Variants in DLG2 observed in about 807,000 individuals in gnomAD.
DLG2 encodes the protein disks large homolog 2.
Under a neutral mutation model 132.5 loss-of-function variants are expected in DLG2, and 45 were observed. That is an observed-to-expected ratio of 0.34 (90% CI 0.27 to 0.44). The LOEUF (loss-of-function observed/expected upper bound fraction) is 0.44. Ranked by LOEUF, DLG2 falls within the 20% of genes least tolerant of loss-of-function variation. The pLI is 1.00. For synonymous variants in DLG2, 424 were observed against 419.6 expected, an observed-to-expected ratio of 1.01 and a Z score of -0.13; for missense variants, 1,045 against 1,196.9, an observed-to-expected ratio of 0.87 and a Z score of 1.87.
intron 3 of DLG2, among the ~76,000 whole-genome samples, chr11:85,538,103 G>A (rs777487338): frequency 1.3e-5 from 2 of 151,884 alleles, no homozygotes; most frequent in Admixed American, 6.6e-5. Context: ...GTGACAGAGC[G>A]AGACTCCGTC....
At chr11:85,529,573 T>C (rs1336984845) in intron 3 of DLG2, among the ~76,000 whole-genome samples, 1 of 152,144 alleles carries the variant, frequency 6.6e-6, no homozygotes, top group East Asian at 1.9e-4. Context: ...TCCCCTTAGT[T>C]CTAGTATTCT....
At chr11:85,438,362 A>C (rs1253537360) in intron 3 of DLG2, among the ~76,000 whole-genome samples, 1 of 152,100 alleles carries the variant, frequency 6.6e-6, no homozygotes, top group Non-Finnish European at 1.5e-5. Flanking sequence ...TTTTTAACTT[A>C]GTTGTTGTTT....
At chr11:84,620,064 T>C (rs1466577785) in intron 6 of DLG2, among the ~76,000 whole-genome samples, 1 of 151,580 alleles carries the variant, frequency 6.6e-6, no homozygotes, top group African/African-American at 2.4e-5. Flanking sequence ...AATTTTTAGT[T>C]AATGTAGTAA....
intron 4 of DLG2, among the ~76,000 whole-genome samples, chr11:85,165,020 G>C (rs553390460): frequency 2.0e-5 from 3 of 152,238 alleles, no homozygotes; most frequent in South Asian, 2.1e-4. Context: ...TCTGTGCTTC[G>C]ATGAGCTCTC....
At chr11:83,507,788 A>ATATATATATG (rs2094805103) in intron 21 of DLG2, among the ~76,000 whole-genome samples, 1 of 105,252 alleles carries the variant, frequency 9.5e-6, no homozygotes, top group South Asian at 3.0e-4. Context: ...ATATATATAT[A>ATATATATATG]TATATATATA....
At chr11:83,850,067 G>T (rs1415303229) in intron 16 of DLG2, among the ~76,000 whole-genome samples, 8 of 151,558 alleles carry the variant, frequency 5.3e-5, no homozygotes, top group African/African-American at 1.5e-4. Context: ...GGGACAGGGA[G>T]GTAAGTAAAA....
intron 7 of DLG2, among the ~76,000 whole-genome samples, chr11:84,274,336 C>T (rs1415732308): frequency 2.0e-5 from 3 of 152,064 alleles, no homozygotes; most frequent in Non-Finnish European, 4.4e-5. Flanking sequence ...GGGCTGGTTG[C>T]ACAGTCAACA....
intron 10 of DLG2, among the ~76,000 whole-genome samples, chr11:84,081,441 G>A (rs199550129): frequency 1.1e-4 from 16 of 149,250 alleles, no homozygotes; most frequent in Non-Finnish European, 1.5e-4. Context: ...AAAGAAAAAA[G>A]AAAAAAAAAA....
chr11:84,030,162 T>G (rs572755865), intron 11 of DLG2, among the ~76,000 whole-genome samples: 36 of 152,232 alleles, frequency 2.4e-4, no homozygotes, highest in African/African-American at 8.4e-4. Context: ...TGTATGACCT[T>G]CTAGTAACTT....
chr11:84,526,791 T>C (rs1442973529), intron 7 of DLG2, among the ~76,000 whole-genome samples: 1 of 147,808 alleles, frequency 6.8e-6, no homozygotes, highest in Non-Finnish European at 1.5e-5. Context: ...TTTTTTTTTT[T>C]TTTTTGAGAC....
At chr11:83,566,871 G>C (rs1427458890) in intron 19 of DLG2, among the ~76,000 whole-genome samples, 1 of 152,036 alleles carries the variant, frequency 6.6e-6, no homozygotes, top group Non-Finnish European at 1.5e-5. Context: ...GCTTATATGA[G>C]AGTAAATAAA....
chr11:84,560,783 TACTTCAAGA>T (rs1418066833), intron 6 of DLG2, among the ~76,000 whole-genome samples: 1 of 152,036 alleles, frequency 6.6e-6, no homozygotes, highest in East Asian at 1.9e-4. Flanking sequence ...GAGTAGGTAT[TACTTCAAGA>T]GGTCTGAGTG....
In DLG2 at chr11:85,123,749, G is replaced by A. The variant is rs180989122; in HGVS notation, c.283-12014C>T. Among the ~76,000 whole-genome samples the A allele has an allele frequency of 4.2e-4, 64 of 152,252 alleles. 1 individual carries two copies. Among genetic ancestry groups the A allele is most frequent in the African/African-American group, 1.2e-3 (50 of 41,538 alleles). ...CCTGTCATCTCCAAAAGGTTAGCTC[G>A]AGAACTGAATTACTTAGATACAAAG... On this transcript the variant is annotated intron_variant, in intron 5 of 27. Transcript: ENST00000376104.
At chr11:85,495,712 A>G (rs570485909) in intron 3 of DLG2, among the ~76,000 whole-genome samples, 1 of 152,212 alleles carries the variant, frequency 6.6e-6, no homozygotes, top group Non-Finnish European at 1.5e-5. Flanking sequence ...CCATTGTGGA[A>G]GACAATGTGG....
intron 18 of DLG2, among the ~76,000 whole-genome samples, chr11:83,638,630 C>T (rs537013072): frequency 1.3e-5 from 2 of 152,202 alleles, no homozygotes; most frequent in South Asian, 4.2e-4. Context: ...TTACGGCCTC[C>T]CTCTACTTGT....
intron 10 of DLG2, among the ~76,000 whole-genome samples, chr11:84,082,057 A>G (rs1053604233): frequency 6.6e-6 from 1 of 152,040 alleles, no homozygotes; most frequent in Non-Finnish European, 1.5e-5. Context: ...TTTGATTTGC[A>G]TTTCTCTGAT....
At chr11:83,507,783 T>TG (rs2094803592) in intron 21 of DLG2, among the ~76,000 whole-genome samples, 1 of 130,772 alleles carries the variant, frequency 7.6e-6, no homozygotes, top group Admixed American at 7.8e-5. Context: ...TATATATATA[T>TG]ATATATATAT....
intron 8 of DLG2, among the ~76,000 whole-genome samples, chr11:84,164,243 G>A (rs1245544058): frequency 6.6e-6 from 1 of 152,138 alleles, no homozygotes; most frequent in African/African-American, 2.4e-5. Context: ...GTGCACAGAG[G>A]CCATATGAAA....
At chr11:84,996,668 T>G (rs1392176978) in intron 6 of DLG2, among the ~76,000 whole-genome samples, 1 of 152,116 alleles carries the variant, frequency 6.6e-6, no homozygotes, top group African/African-American at 2.4e-5. Flanking sequence ...TGTGGGGTAG[T>G]TTTTTTGGCA....
Sources: allele counts gnomAD v4.1 joint callset (sites outside exome capture counted in the v4.1 genomes callset), GRCh38; gene constraint gnomAD v4.1.1; transcripts MANE v1.5; gene names NCBI Gene and HGNC (gene_info 2026-07-23, HGNC 2026-07-21).